STAG3: variants seen among roughly 807,000 people sequenced by gnomAD.
STAG3 encodes the protein cohesin subunit SA-3.
STAG3 carries 101 observed loss-of-function variants against 160.7 expected under a neutral mutation model. That is an observed-to-expected ratio of 0.63 (90% CI 0.54 to 0.74). STAG3 has a LOEUF of 0.74. Ranked by LOEUF, STAG3 falls within the 30% of genes least tolerant of loss-of-function variation. The pLI is 0.00. For missense variants in STAG3, 1,188 were observed against 1,517.4 expected, an observed-to-expected ratio of 0.78 and a Z score of 3.61; for synonymous variants, 519 against 585.0, an observed-to-expected ratio of 0.89 and a Z score of 1.63.
At chr7:100,211,256 T>C (rs1405853604) in intron 30 of STAG3, 71 bp downstream of exon 30, 5 of 1,522,980 alleles carry the variant, frequency 3.3e-6, no homozygotes, top group Non-Finnish European at 4.4e-6. Flanking sequence ...TCTTGCTGTT[T>C]CTGTTTCATG....
At chr7:100,213,874 A>T in intron 33 of STAG3, 68 bp downstream of exon 33, 1 of 1,613,654 alleles carries the variant, frequency 6.2e-7, no homozygotes, top group Non-Finnish European at 8.5e-7. Context: ...TGCACTCATC[A>T]AATTGACAGG....
At chr7:100,201,381 G>A in intron 21 of STAG3, 30 bp downstream of exon 21, 1 of 1,600,204 alleles carries the variant, frequency 6.2e-7, no homozygotes, top group Non-Finnish European at 8.6e-7. Flanking sequence ...ATGGGTTGGG[G>A]GCTGGGGGGC....
rs770078720 is a variant in STAG3, at chr7:100,198,524, G to A, written c.1294G>A (p.Val432Ile). Residue 432 changes from valine to isoleucine, a missense_variant, in exon 13 of 34, where the codon GTT becomes ATT. By Grantham distance (29) the Val-to-Ile change is conservative. Around this residue, in one of 4 missense-constraint regions of STAG3, gnomAD observed 240 missense variants for 358.1 expected, o/e 0.67. Coordinates refer to ENST00000615138, the MANE Select transcript of STAG3 (RefSeq NM_001282717.2). ...CGCGGATTGTGAGAGCGTCTACCCA[G>A]TTGTGTATGCCTCTCATCGAGGCCT... ...TDADCESVYP[V>I]VYASHRGLAS... The A allele has an allele frequency of 8.1e-6, 13 of 1,614,190 alleles. No individual in the cohort carries two copies. In the African/African-American group the frequency reaches 1.2e-4, roughly 15 times the overall value.
intron 29 of STAG3, 73 bp from the exon 30 acceptor site, chr7:100,210,938 G>A: frequency 6.7e-7 from 1 of 1,485,298 alleles, no homozygotes; most frequent in Non-Finnish European, 9.1e-7. Flanking sequence ...ACTAAATCCT[G>A]GGCAGGTCTT....
At chr7:100,210,637 T>C (rs1802099724) in intron 29 of STAG3, among the ~76,000 whole-genome samples, 1 of 152,206 alleles carries the variant, frequency 6.6e-6, no homozygotes, top group African/African-American at 2.4e-5. Flanking sequence ...TCAGATGTCT[T>C]CATTGGCTAA....
chr7:100,190,217 C>T (rs116655071), intron 8 of STAG3, among the ~76,000 whole-genome samples: 2,297 of 152,216 alleles, frequency 0.015, 59 homozygotes, highest in African/African-American at 0.052. Flanking sequence ...CACTGGGGGG[C>T]ATAAGCCATA....
In STAG3 at chr7:100,202,319, C is replaced by T; in HGVS notation, c.2542C>T (p.Gln848Ter). 1 of 1,614,134 alleles carries T rather than the reference C, an allele frequency of 6.2e-7. No individual in the cohort carries two copies. The highest frequency in any genetic ancestry group is 8.5e-7 in the Non-Finnish European group (1 of 1,180,020). ...CTTCCTCATGGACCACGTCTTCATCCAGCCGGGAGACCTGGGCAGTGGTGC... is the reference window on the plus strand; with the variant it reads ...CTTCCTCATGGACCACGTCTTCATCTAGCCGGGAGACCTGGGCAGTGGTGC... ...ASFLMDHVFIQPGDLGSGDSQ... is the reference protein window; with the variant it reads ...ASFLMDHVFI Residue 848 changes from glutamine (Q) to a stop codon, truncating the protein, a stop_gained, in exon 24 of 34, where the codon CAG becomes TAG. Coordinates refer to ENST00000615138, the MANE Select transcript of STAG3 (RefSeq NM_001282717.2). LOFTEE classifies it high-confidence loss of function.
chr7:100,186,588 C>T, intron 5 of STAG3, among the ~76,000 whole-genome samples: 1 of 151,958 alleles, frequency 6.6e-6, no homozygotes, highest in East Asian at 1.9e-4. Flanking sequence ...GTGGCTCATG[C>T]CTGTAGAATT....
chr7:100,200,552 T>C lies in STAG3; in HGVS notation c.1860+10T>C. The stretch of plus-strand genomic sequence containing the variant: ...TGGGCGCTTGGAGAAGGTAGGGAGA[T>C]AGATTTCCTATACCTTGCTGCTTGC... On this transcript the variant is annotated intron_variant, in intron 18 of 33. Transcript: ENST00000615138. The C allele has an allele frequency of 6.2e-7, 1 of 1,613,458 alleles. No homozygotes were observed.
rs146609079 is a variant in STAG3 at position 100,199,262 on chromosome 7, C to T, written c.1468C>T (p.Leu490Phe). ...LLLSFFVESE[L>F]HDHAAYLVDS... ...ACTCCCCATGCACGTTCTCCCCTAG[C>T]TCCATGACCACGCTGCTTACTTAGT... The change falls in exon 15 of 34, where the codon CTC (leucine) becomes TTC (phenylalanine). Residue 490 changes from leucine (L) to phenylalanine (F), a missense_variant and splice_region_variant. By Grantham distance (22) the Leu-to-Phe change is conservative. Around this residue, in one of 4 missense-constraint regions of STAG3, gnomAD observed 240 missense variants for 358.1 expected, o/e 0.67. Coordinates refer to ENST00000615138, the MANE Select transcript of STAG3 (RefSeq NM_001282717.2). The T allele has an allele frequency of 1.6e-4, 260 of 1,611,072 alleles. No individual in the cohort carries two copies. In the African/African-American group the frequency reaches 3.2e-3, roughly 20 times the overall value.
At chr7:100,201,650 A>G in intron 21 of STAG3, 136 bp from the exon 22 acceptor site, 1 of 770,328 alleles carries the variant, frequency 1.3e-6, no homozygotes, top group Middle Eastern at 3.2e-4. Flanking sequence ...TGTCCAGAAT[A>G]TCACTCATTT....
intron 17 of STAG3, 50 bp from the exon 18 acceptor site, chr7:100,200,403 A>G: frequency 6.2e-7 from 1 of 1,612,910 alleles, no homozygotes; most frequent in Non-Finnish European, 8.5e-7. Flanking sequence ...TGGGAGTAGG[A>G]ATTAGCAATG....
At chr7:100,216,134 C>G (rs977237487), downstream of STAG3, among the ~76,000 whole-genome samples, 1 of 152,138 alleles carries the variant, frequency 6.6e-6, no homozygotes, top group Non-Finnish European at 1.5e-5. Flanking sequence ...GGAGCAGAGA[C>G]AGCCCATCTT....
intron 1 of STAG3, among the ~76,000 whole-genome samples, chr7:100,179,369 T>G (rs1413270913): frequency 6.6e-6 from 1 of 151,032 alleles, no homozygotes; most frequent in East Asian, 1.9e-4. Flanking sequence ...ACCACAGGTG[T>G]GCGCAACAAC....
At chr7:100,187,554 G>A (rs1211709772) in intron 5 of STAG3, among the ~76,000 whole-genome samples, 2 of 152,148 alleles carry the variant, frequency 1.3e-5, no homozygotes, top group African/African-American at 4.8e-5. Context: ...GAAGGTGGAG[G>A]TGCAGCCTGG....
Position 100,211,165 on chromosome 7 carries a change from A to G in STAG3, c.3393A>G (p.Ser1131=). Residue 1131 remains serine (S), a synonymous_variant, in exon 30 of 34, where the codon TCA becomes TCG. Coordinates refer to ENST00000615138, the MANE Select transcript of STAG3 (RefSeq NM_001282717.2). The part of the protein sequence containing the change: ...GLKEMEEEDG[S]ELDFAQGSQP... ...AAGAGATGGAGGAAGAAGATGGCTCAGAGTTGGATTTTGCCCAGGGGTGAG... is the reference window on the plus strand; with the variant it reads ...AAGAGATGGAGGAAGAAGATGGCTCGGAGTTGGATTTTGCCCAGGGGTGAG... The G allele has an allele frequency of 6.3e-7, 1 of 1,588,894 alleles. No homozygotes were observed. The highest frequency in any genetic ancestry group is 2.2e-5 in the East Asian group (1 of 44,630).
intron 32 of STAG3, 187 bp downstream of exon 32, chr7:100,212,063 A>G: frequency 3.7e-6 from 2 of 538,352 alleles, no homozygotes; most frequent in Non-Finnish European, 6.5e-6. Context: ...ATTAAAGAAT[A>G]AGGAAAAGAA....
At chr7:100,203,175 C>T (rs967179188) in intron 25 of STAG3, among the ~76,000 whole-genome samples, 1 of 138,552 alleles carries the variant, frequency 7.2e-6, no homozygotes, top group Admixed American at 8.3e-5. Flanking sequence ...GTGTTTATTT[C>T]TTTTCTTTTC....
chr7:100,208,806 AG>A (rs1178179726), intron 29 of STAG3, among the ~76,000 whole-genome samples: 11 of 152,200 alleles, frequency 7.2e-5, no homozygotes, highest in Non-Finnish European at 1.6e-4. Flanking sequence ...ATGGCAAAAA[AG>A]CAGGGAGGAT....
Sources: allele counts gnomAD v4.1 joint callset (sites outside exome capture counted in the v4.1 genomes callset), GRCh38; gene constraint gnomAD v4.1.1; regional missense constraint gnomAD v4.1.1; transcripts MANE v1.5; gene names NCBI Gene and HGNC (gene_info 2026-07-23, HGNC 2026-07-21).